The following FRMPD4 variants were observed in gnomAD, a reference collection of about 807,000 sequenced individuals.
FRMPD4 encodes FERM and PDZ domain-containing protein 4.
A neutral mutation model predicts 94.1 loss-of-function variants in FRMPD4; 22 were observed. That is an observed-to-expected ratio of 0.23 (90% confidence interval 0.17 to 0.33). The LOEUF is 0.33. Ranked by LOEUF, FRMPD4 falls within the 10% of genes least tolerant of loss-of-function variation. The probability of loss-of-function intolerance (pLI) is 1.00; values close to 1 mark genes in which losing one functional copy is unlikely to be tolerated. For missense variants in FRMPD4, 1,111 were observed against 1,339.9 expected, an observed-to-expected ratio of 0.83 and a Z score of 2.67; for synonymous variants, 631 against 548.6, an observed-to-expected ratio of 1.15 and a Z score of -2.10.
chrX:12,312,976 G>C (rs1164923409), intron 1 of FRMPD4, among the ~76,000 whole-genome samples: 1 of 111,505 alleles, frequency 9.0e-6, no homozygotes. Flanking sequence ...GACTATGGGG[G>C]AGCGATGGAT....
intron 3 of FRMPD4, among the ~76,000 whole-genome samples, chrX:12,094,450 C>T (rs1265152959): frequency 8.9e-6 from 1 of 112,083 alleles, no homozygotes. Context: ...TGCATTTCCT[C>T]ATTTATCCTG....
intron 1 of FRMPD4, among the ~76,000 whole-genome samples, chrX:12,221,878 C>T (rs755892980): frequency 8.9e-6 from 1 of 111,900 alleles, no homozygotes; most frequent in Admixed American, 9.5e-5. Flanking sequence ...AATTGTGACA[C>T]ATCCACAGGA....
chrX:12,194,049 G>A (rs1319772204), intron 1 of FRMPD4, among the ~76,000 whole-genome samples: 1 of 108,733 alleles, frequency 9.2e-6, no homozygotes, highest in East Asian at 2.9e-4. Flanking sequence ...TGTTAAGTGG[G>A]TAGGGGTGAG....
At position 12,662,875 on chromosome X, in the gene FRMPD4, CTCTT is replaced by C. The variant is rs1265910218; in HGVS notation, c.423-11986_423-11983del. On this transcript the variant is annotated intron_variant, in intron 4 of 16. Transcript: ENST00000675598. ...CTCTCCAGCATCTGTTATTTCCTGA[CTCTT>C]TAATGATCGCCATTTTAACTGGTGT... is the stretch of plus-strand genomic sequence containing the variant. Among the ~76,000 whole-genome samples the C allele has an allele frequency of 3.6e-5, 4 of 112,618 alleles. No individual in the cohort carries two copies. The East Asian group carries it at 1.1e-3, about 31-fold the overall frequency.
chrX:12,298,240 G>T (rs2054803657), intron 1 of FRMPD4, among the ~76,000 whole-genome samples: 2 of 112,158 alleles, frequency 1.8e-5, no homozygotes, highest in Non-Finnish European at 3.8e-5. Flanking sequence ...TGAGCTAAGG[G>T]TGCTAATAAG....
intron 3 of FRMPD4, among the ~76,000 whole-genome samples, chrX:12,088,109 T>A (rs2055125689): frequency 8.9e-6 from 1 of 112,289 alleles, no homozygotes; most frequent in African/African-American, 3.2e-5. Flanking sequence ...CTTGTCTTAT[T>A]GTGTTTAGGC....
At position 11,977,057 on chromosome X, in the gene FRMPD4, G is replaced by A. The variant is rs141504918; in HGVS notation, c.95+99039G>A. The stretch of plus-strand genomic sequence containing the variant: ...AGGAAACAGTCGGGTAAATTATACC[G>A]AACTACCAAGCAAATAGTATTTTCT... On this transcript the variant is annotated intron_variant, in intron 3 of 18. Transcript: ENST00000640291. 6.7e-3 allele frequency among the ~76,000 whole-genome samples: 744 copies of A among 111,179 alleles called. 4 individuals carry two copies. The highest frequency in any genetic ancestry group is 0.022 in the African/African-American group (680 of 30,560).
intron 13 of FRMPD4, among the ~76,000 whole-genome samples, chrX:12,709,595 TTTCA>T (rs1297414602): frequency 1.8e-5 from 2 of 111,583 alleles, no homozygotes; most frequent in Non-Finnish European, 3.8e-5. Flanking sequence ...CTCTGGCACT[TTTCA>T]TTCAGTCTTA....
At chrX:12,404,096 G>A (rs2056639877) in intron 1 of FRMPD4, among the ~76,000 whole-genome samples, 1 of 112,198 alleles carries the variant, frequency 8.9e-6, no homozygotes, top group Admixed American at 9.4e-5. Context: ...CAGTCATTAA[G>A]GTTTCACCAT....
intron 2 of FRMPD4, among the ~76,000 whole-genome samples, chrX:11,865,509 C>G (rs925342744): frequency 3.6e-5 from 4 of 111,941 alleles, no homozygotes; most frequent in African/African-American, 1.3e-4. Context: ...AGTACTCATT[C>G]TATGCTGAGC....
intron 4 of FRMPD4, among the ~76,000 whole-genome samples, chrX:12,629,164 C>T (rs186629045): frequency 5.5e-4 from 62 of 112,291 alleles, no homozygotes; most frequent in African/African-American, 1.7e-3. Context: ...ACAGCCAAAC[C>T]ATATCAGCAT....
chrX:12,000,826 T>G (rs1249404124), intron 3 of FRMPD4, among the ~76,000 whole-genome samples: 2 of 112,088 alleles, frequency 1.8e-5, no homozygotes, highest in Non-Finnish European at 3.8e-5. Context: ...CTCATAAAAT[T>G]GCGTCTTTCA....
intron 2 of FRMPD4, among the ~76,000 whole-genome samples, chrX:12,556,848 A>AGTTT (rs1025566314): frequency 5.9e-5 from 3 of 50,441 alleles, no homozygotes; most frequent in Non-Finnish European, 1.5e-4. Flanking sequence ...AGGGTATACA[A>AGTTT]GTTTGTTTGT....
At chrX:11,845,692 G>C (rs2053571522) in intron 1 of FRMPD4, among the ~76,000 whole-genome samples, 1 of 110,458 alleles carries the variant, frequency 9.1e-6, no homozygotes, top group African/African-American at 3.3e-5. Context: ...TGATCAAGTG[G>C]GCTTCATCCC....
chrX:12,141,875 C>T (rs1417770800), intron 1 of FRMPD4, among the ~76,000 whole-genome samples: 1 of 112,037 alleles, frequency 8.9e-6, no homozygotes, highest in Admixed American at 9.5e-5. Context: ...AGTATAAAAA[C>T]AGGCATATAT....
intron 14 of FRMPD4, 56 bp from the exon 15 acceptor site, chrX:12,716,013 C>CCCCCCCAAA: frequency 2.7e-6 from 1 of 365,421 alleles, no homozygotes. Context: ...CCACCCCCGC[C>CCCCCCCAAA]CCACCCAAAA....
intron 5 of FRMPD4, among the ~76,000 whole-genome samples, chrX:12,677,748 G>A (rs752605648): frequency 3.6e-5 from 4 of 111,765 alleles, no homozygotes; most frequent in Non-Finnish European, 7.5e-5. Context: ...ATGTGCCCAG[G>A]GTACCTCAAC....
intron 3 of FRMPD4, among the ~76,000 whole-genome samples, chrX:12,114,784 CTG>C (rs2055393927): frequency 8.9e-6 from 1 of 112,546 alleles, no homozygotes; most frequent in South Asian, 3.6e-4. Context: ...ATATAAATAA[CTG>C]TGTAACAGAC....
chrX:12,184,111 T>C (rs190827342), intron 1 of FRMPD4, among the ~76,000 whole-genome samples: 1 of 111,302 alleles, frequency 9.0e-6, no homozygotes, highest in East Asian at 2.8e-4. Flanking sequence ...ATATTTATGA[T>C]TGTATTCACC....
Sources: gnomAD v4.1 joint callset for allele counts (sites outside exome capture counted in the v4.1 genomes callset) on GRCh38, gnomAD v4.1.1 for gene constraint, MANE v1.5 for transcripts, NCBI Gene and HGNC (gene_info 2026-07-23, HGNC 2026-07-21) for gene names.